NPLOC4: variants seen among roughly 807,000 people sequenced by gnomAD.
The protein encoded by NPLOC4 is nuclear protein localization protein 4 homolog.
Under a neutral mutation model 80.6 loss-of-function variants are expected in NPLOC4, and 18 were observed. The ratio of observed to expected loss-of-function variants is 0.22; its 90% CI spans 0.15 to 0.33. The LOEUF is 0.33. NPLOC4 is among the 10% of genes least tolerant of loss of function. The pLI is 1.00. For synonymous variants in NPLOC4, 313 were observed against 301.5 expected, an observed-to-expected ratio of 1.04 and a Z score of -0.39; for missense variants, 540 against 786.1, an observed-to-expected ratio of 0.69 and a Z score of 3.74.
At chr17:81,606,925 G>T in intron 6 of NPLOC4, 111 bp from the exon 7 acceptor site, 1 of 933,474 alleles carries the variant, frequency 1.1e-6, no homozygotes, top group East Asian at 2.7e-5. Flanking sequence ...CAGGAGCTAA[G>T]CACGTGGCAG....
At chr17:81,612,391 T>C (rs971262227) in intron 4 of NPLOC4, among the ~76,000 whole-genome samples, 8 of 152,174 alleles carry the variant, frequency 5.3e-5, no homozygotes, top group South Asian at 2.1e-4. Context: ...AATGAAGCCA[T>C]GAAGACACAG....
At chr17:81,635,357 T>TTA (rs561130827) in intron 1 of NPLOC4, among the ~76,000 whole-genome samples, 5 of 126,636 alleles carry the variant, frequency 3.9e-5, no homozygotes, top group Non-Finnish European at 8.1e-5. Flanking sequence ...AAAATAAGGT[T>TTA]AAAAAAAAAA....
intron 2 of NPLOC4, among the ~76,000 whole-genome samples, chr17:81,622,683 T>C (rs975422873): frequency 5.4e-4 from 82 of 152,188 alleles, no homozygotes; most frequent in Non-Finnish European, 6.9e-4. Flanking sequence ...CCCAAGTAGC[T>C]GGGATTACAG....
At chr17:81,610,958 C>CA (rs1243703301) in intron 4 of NPLOC4, among the ~76,000 whole-genome samples, 1,010 of 15,530 alleles carry the variant, frequency 0.065, 119 homozygotes, top group African/African-American at 0.14. Context: ...GACTCCGTCT[C>CA]AAAAAAAAAA....
intron 13 of NPLOC4, among the ~76,000 whole-genome samples, chr17:81,569,798 A>G (rs1413113219): frequency 6.6e-6 from 1 of 152,214 alleles, no homozygotes; most frequent in African/African-American, 2.4e-5. Context: ...ATGACAACAG[A>G]GGGCACTTTG....
chr17:81,597,423 G>C (rs1299527571), intron 9 of NPLOC4, 107 bp from the exon 10 acceptor site: 1 of 816,878 alleles, frequency 1.2e-6, no homozygotes, highest in African/African-American at 1.7e-5. Flanking sequence ...GGCCGAGGCA[G>C]GAGAATCACG....
At chr17:81,575,986 T>C (rs1393666659) in intron 12 of NPLOC4, among the ~76,000 whole-genome samples, 1 of 149,180 alleles carries the variant, frequency 6.7e-6, no homozygotes, top group Non-Finnish European at 1.5e-5. Flanking sequence ...TGCTGGGTCT[T>C]GTGCCAGCAA....
chr17:81,565,323 C>A, intron 16 of NPLOC4, 182 bp downstream of exon 16: 1 of 705,788 alleles, frequency 1.4e-6, no homozygotes, highest in South Asian at 1.5e-5. Context: ...TGCTCCATCA[C>A]CGGAGCCTGC....
At chr17:81,618,135 G>A (rs868827078) in intron 3 of NPLOC4, among the ~76,000 whole-genome samples, 5 of 151,750 alleles carry the variant, frequency 3.3e-5, no homozygotes, top group African/African-American at 9.7e-5. Flanking sequence ...GGGATGTGAC[G>A]AGCCCCTCTG....
intron 9 of NPLOC4, among the ~76,000 whole-genome samples, chr17:81,597,675 C>T (rs1048977060): frequency 6.6e-6 from 1 of 151,252 alleles, no homozygotes; most frequent in Non-Finnish European, 1.5e-5. Flanking sequence ...CCCAGCTACT[C>T]AGGAGGCTGA....
intron 11 of NPLOC4, among the ~76,000 whole-genome samples, chr17:81,594,242 T>C (rs2034828380): frequency 8.8e-6 from 1 of 113,428 alleles, no homozygotes; most frequent in African/African-American, 3.5e-5. Flanking sequence ...GCCACTGCAG[T>C]CCAGCCTGGG....
intron 8 of NPLOC4, among the ~76,000 whole-genome samples, chr17:81,603,672 C>A (rs546416145): frequency 5.0e-4 from 76 of 152,210 alleles, no homozygotes; most frequent in African/African-American, 1.7e-3. Flanking sequence ...TACTCATATA[C>A]CCACCACTAG....
In NPLOC4 at chr17:81,608,699, G is replaced by A. The variant is rs750219063; in HGVS notation, c.530+29C>T. On this transcript the variant is annotated intron_variant, in intron 6 of 16. Transcript: ENST00000331134. ...GCCAGCTACACAAAAAGGAATTTACGCACAACCAGGTTACAGCAAGTTGCT... is the reference window on the plus strand; with the variant it reads ...GCCAGCTACACAAAAAGGAATTTACACACAACCAGGTTACAGCAAGTTGCT... The A allele has an allele frequency of 2.4e-5, 36 of 1,519,804 alleles. No individual in the cohort carries two copies. The Admixed American group carries it at 3.9e-4, about 16-fold the overall frequency. The allele number at this position is 1,519,804 out of a possible 1,614,324, so 94.1% of individuals were successfully genotyped here.
At chr17:81,609,285 T>G (rs939989949) in intron 5 of NPLOC4, among the ~76,000 whole-genome samples, 2 of 151,882 alleles carry the variant, frequency 1.3e-5, no homozygotes, top group African/African-American at 4.8e-5. Flanking sequence ...CCCAAAGTGT[T>G]AGCTTTACAG....
chr17:81,562,528 G>C (rs72855621), intron 16 of NPLOC4: 22,031 of 152,092 alleles, frequency 0.14, 1,889 homozygotes, highest in Admixed American at 0.23. Context: ...AACAGAACAA[G>C]ACTTTGTCTC....
chr17:81,588,200 GAACA>G (rs1217672145), intron 12 of NPLOC4: 2 of 152,178 alleles, frequency 1.3e-5, no homozygotes, highest in African/African-American at 4.8e-5. Context: ...GAAATGAAAT[GAACA>G]GAGTATCAGT....
intron 12 of NPLOC4, among the ~76,000 whole-genome samples, chr17:81,574,420 T>G (rs555529498): frequency 9.2e-5 from 14 of 152,182 alleles, no homozygotes; most frequent in Non-Finnish European, 2.1e-4. Flanking sequence ...CCCCCAAGCC[T>G]TCACTCAGAT....
At chr17:81,611,198 T>C (rs1230948200) in intron 4 of NPLOC4, among the ~76,000 whole-genome samples, 3 of 151,904 alleles carry the variant, frequency 2.0e-5, no homozygotes, top group African/African-American at 7.2e-5. Context: ...CAAGCACCTG[T>C]AATGCCAGGA....
chr17:81,608,535 A>AC (rs1184692458), intron 6 of NPLOC4, among the ~76,000 whole-genome samples, 193 bp downstream of exon 6: 1 of 152,164 alleles, frequency 6.6e-6, no homozygotes, highest in Non-Finnish European at 1.5e-5. Context: ...ACATAGTGAG[A>AC]CCCCATCTCT....
Sources: gnomAD v4.1 joint callset for allele counts (sites outside exome capture counted in the v4.1 genomes callset) on GRCh38, gnomAD v4.1.1 for gene constraint, MANE v1.5 for transcripts, NCBI Gene and HGNC (gene_info 2026-07-23, HGNC 2026-07-21) for gene names.